Variants in LRP1 observed in about 807,000 individuals in gnomAD.
LRP1 encodes the protein LDL receptor related protein 1.
In LRP1, 51 loss-of-function variants were observed where a neutral mutation model predicts 541.5. The observed-to-expected ratio is 0.09, with a 90% confidence interval of 0.08 to 0.12. LRP1 has a LOEUF of 0.12. LRP1 is among the 10% of genes least tolerant of loss of function. The pLI, the probability that LRP1 is intolerant of heterozygous loss-of-function variation, is 1.00. For synonymous variants in LRP1, 2,219 were observed against 2,470.8 expected, an observed-to-expected ratio of 0.90 and a Z score of 3.02; for missense variants, 3,878 against 6,376.2, an observed-to-expected ratio of 0.61 and a Z score of 13.34.
rs146710883 is a variant in LRP1 at position 57,194,420 on chromosome 12, G to A, written c.7985G>A (p.Arg2662Gln). Residue 2662 changes from arginine (R) to glutamine (Q), a missense_variant, in exon 49 of 89, where the codon CGG (arginine) becomes CAG (glutamine). By Grantham distance (43) the Arg-to-Gln change is conservative (BLOSUM62 1). Coordinates refer to ENST00000243077, the MANE Select transcript of LRP1 (RefSeq NM_002332.3). ...GGCGTGCTCTTCCAGCCCTGCGAGC[G>A]GACCTCACTCTGCTACGCACCCAGC... ...VKGVLFQPCE[R>Q]TSLCYAPSWV... is the part of the protein sequence containing the mutation. 6.1e-5 allele frequency: 93 copies of A among 1,529,142 alleles called. No homozygotes were observed. Among genetic ancestry groups the A allele is most frequent in the Non-Finnish European group, 7.5e-5 (85 of 1,138,860 alleles). The allele number at this position is 1,529,142 out of a possible 1,614,324, so 94.7% of individuals were successfully genotyped here. A position where few individuals can be genotyped will look rare whatever the true frequency, so the allele number is the denominator to read the frequency against.
intron 6 of LRP1, among the ~76,000 whole-genome samples, chr12:57,152,334 A>G (rs2035542185): frequency 6.6e-6 from 1 of 151,932 alleles, no homozygotes; most frequent in African/African-American, 2.4e-5. Flanking sequence ...TGCTGGGAAA[A>G]CAGCTTTCAC....
chr12:57,128,809 A>T lies in LRP1; in HGVS notation c.-156A>T, dbSNP rs113779647. 277 of 612,072 alleles carry T rather than the reference A, an allele frequency of 4.5e-4. 2 individuals are homozygous for T. The African/African-American group carries it at 4.7e-3, about 10-fold the overall frequency. 37.9% of individuals were successfully genotyped at this position (612,072 alleles called of 1,614,324 possible). ...AAGGGGCTCGGAACTCTACCTCTTC[A>T]CCCACGCCCCTGGTGCGCTTTGCCG... is the stretch of plus-strand genomic sequence containing the variant. On this transcript the variant is annotated 5_prime_UTR_variant, in exon 1 of 89. Transcript: ENST00000243077.
chr12:57,212,004 C>A lies in LRP1; in HGVS notation c.13336C>A (p.Arg4446=). 1 of 1,614,080 alleles carries A rather than the reference C, an allele frequency of 6.2e-7. No homozygotes were observed. The highest frequency in any genetic ancestry group is 8.5e-7 in the Non-Finnish European group (1 of 1,180,014). ...GGCCGGAGTGGTATTCTGGTATAAGCGGCGAGTCCAAGGGTGAGTCACAGG... is the reference window on the plus strand; with the variant it reads ...GGCCGGAGTGGTATTCTGGTATAAGAGGCGAGTCCAAGGGTGAGTCACAGG... ...LVAGVVFWYK[R]RVQGAKGFQH... Residue 4446 remains arginine (R), a synonymous_variant, in exon 87 of 89, where the codon CGG becomes AGG. Coordinates refer to ENST00000243077, the MANE Select transcript of LRP1 (RefSeq NM_002332.3). The surrounding 1 kb of genome is among the most constrained non-coding windows in gnomAD (Gnocchi z 5.0).
At chr12:57,132,140 T>C (rs2035050480) in intron 1 of LRP1, 11 of 152,364 alleles carry the variant, frequency 7.2e-5, no homozygotes, top group Admixed American at 6.5e-4. Flanking sequence ...ATAGAGAACC[T>C]GCCTCCCTCT....
Position 57,152,132 on chromosome 12 carries a change from G to C in LRP1, c.842-2076G>C, listed in dbSNP as rs371218538. ...GAATCCAGGCCACATCCTGAGGCTG[G>C]GGGGGCTGATTGTGGAGCTGCACCT... On this transcript the variant is annotated intron_variant, in intron 6 of 88. Coordinates refer to ENST00000243077, the MANE Select transcript of LRP1 (RefSeq NM_002332.3). 3.9e-5 allele frequency among the ~76,000 whole-genome samples: 6 copies of C among 152,212 alleles called. 1 individual carries two copies. In the South Asian group the frequency reaches 6.2e-4, roughly 16 times the overall value.
intron 1 of LRP1, among the ~76,000 whole-genome samples, chr12:57,137,756 A>C (rs2035202855): frequency 6.6e-6 from 1 of 151,614 alleles, no homozygotes; most frequent in African/African-American, 2.4e-5. Context: ...AGATTGTGCC[A>C]CTGCACTCCA....
Position 57,177,486 on chromosome 12 carries a change from G to A in LRP1, c.4256G>A (p.Ser1419Asn), listed in dbSNP as rs2036070525. 6.2e-7 allele frequency: 1 copy of A among 1,612,590 alleles called. No individual in the cohort carries two copies. Among genetic ancestry groups the A allele is most frequent in the African/African-American group, 1.3e-5 (1 of 74,930 alleles). ...SLPRIEAASMSGAGRRTVHRE... is the reference protein window; with the variant it reads ...SLPRIEAASMNGAGRRTVHRE... ...CCCCGCATTGAGGCAGCCTCCATGA[G>A]TGGGGCTGGGCGCCGCACCGTGCAC... Residue 1419 changes from serine to asparagine, a missense_variant, in exon 26 of 89, where the codon AGT becomes AAT. Physicochemically the swap from Ser to Asn is conservative, Grantham distance 46. This residue lies in a region of LRP1 where 24 missense variants were observed against 109.1 expected (regional missense o/e 0.22). Transcript: ENST00000243077. The surrounding 1 kb of genome is among the most constrained non-coding windows in gnomAD (Gnocchi z 6.8).
rs1417865114 is a variant in LRP1, at chr12:57,177,451, T to C, written c.4221T>C (p.Asp1407=). Residue 1407 remains aspartate (D), a synonymous_variant, in exon 26 of 89, where the codon GAT becomes GAC. Transcript: ENST00000243077. This position sits in a 1 kb window ranked among gnomAD's most constrained non-coding sequence, Gnocchi z 6.8. ...GGATCCTGTTTTGGACAGACTGGGA[T>C]GCCAGCCTGCCCCGCATTGAGGCAG... ...RDGILFWTDW[D]ASLPRIEAAS... The C allele has an allele frequency of 6.2e-7, 1 of 1,604,314 alleles. No individual in the cohort carries two copies. The highest frequency in any genetic ancestry group is 2.2e-5 in the East Asian group (1 of 44,838).
rs375774028 is a variant in LRP1 at position 57,210,706 on chromosome 12, C to T, written c.12755-12C>T. 6.2e-7 allele frequency: 1 copy of T among 1,602,636 alleles called. No homozygotes were observed. Among genetic ancestry groups the T allele is most frequent in the African/African-American group, 1.3e-5 (1 of 74,762 alleles). On this transcript the variant is annotated splice_polypyrimidine_tract_variant and intron_variant, in intron 82 of 88. Coordinates refer to ENST00000243077, the MANE Select transcript of LRP1 (RefSeq NM_002332.3). ...AGGGCCACAGTCGCGCTCACACATC[C>T]TCTCCCACCAGGCATGCCCACGTGC... is the stretch of plus-strand genomic sequence containing the variant.
At position 57,205,493 on chromosome 12, in the gene LRP1, A is replaced by G. The variant is rs530703274; in HGVS notation, c.11470+8A>G. 2 of 1,610,812 alleles carry G rather than the reference A, an allele frequency of 1.2e-6. No individual in the cohort carries two copies. Among genetic ancestry groups the G allele is most frequent in the African/African-American group, 1.3e-5 (1 of 74,962 alleles). ...GCCAGCCCGGATGCCAAGGTAGGAA[A>G]GCGGGGCAGAGCAGGGGTGGACACC... is the stretch of plus-strand genomic sequence containing the variant. On this transcript the variant is annotated splice_region_variant and intron_variant, in intron 74 of 88. Transcript: ENST00000243077. This position sits in a 1 kb window ranked among gnomAD's most constrained non-coding sequence, Gnocchi z 4.6.
Position 57,205,749 on chromosome 12 carries a change from G to A in LRP1, c.11590+72G>A, listed in dbSNP as rs2036764267. On this transcript the variant is annotated intron_variant, in intron 75 of 88. Transcript: ENST00000243077. The surrounding 1 kb of genome is among the most constrained non-coding windows in gnomAD (Gnocchi z 4.6). ...CCAGGATATCAAACGGGGCCGACTT[G>A]GAATGGAATGTCTTCCTGCGGACAT... The A allele has an allele frequency of 1.3e-6, 2 of 1,578,368 alleles. No homozygotes were observed. Among genetic ancestry groups the A allele is most frequent in the East Asian group, 4.5e-5 (2 of 44,576 alleles).
intron 51 of LRP1, 80 bp downstream of exon 51, chr12:57,195,181 C>G: frequency 1.9e-6 from 3 of 1,577,300 alleles, no homozygotes; most frequent in Non-Finnish European, 2.6e-6. Flanking sequence ...CACACAGACA[C>G]CCCTGCAGAC....
rs1186000314 is a variant in LRP1 at position 57,128,621 on chromosome 12, C to T, written c.-344C>T. 1 of 411,238 alleles carries T rather than the reference C, an allele frequency of 2.4e-6. No individual in the cohort carries two copies. The highest frequency in any genetic ancestry group is 4.3e-6 in the Non-Finnish European group (1 of 232,294). The allele number at this position is 411,238 out of a possible 1,614,324, so 25.5% of individuals were successfully genotyped here. On this transcript the variant is annotated 5_prime_UTR_variant, in exon 1 of 89. Transcript: ENST00000243077. The stretch of plus-strand genomic sequence containing the variant: ...CCACGCCCCCCACCCCCCCTCCCCG[C>T]CTCCTCCCAATTGTGCATTTTTGCA...
At chr12:57,136,098 G>T (rs1196563815) in intron 1 of LRP1, among the ~76,000 whole-genome samples, 2 of 152,248 alleles carry the variant, frequency 1.3e-5, no homozygotes, top group Non-Finnish European at 2.9e-5. Flanking sequence ...GAAGCGGACG[G>T]TTCTCCGGCA....
At position 57,173,099 on chromosome 12, in the gene LRP1, G is replaced by A; in HGVS notation, c.3164-69G>A. On this transcript the variant is annotated intron_variant, in intron 20 of 88. Transcript: ENST00000243077. The surrounding 1 kb of genome is among the most constrained non-coding windows in gnomAD (Gnocchi z 4.7). Reference sequence around the variant, plus strand: ...CAGGCTGGGCTTACCGGGGTGGCAGGGCACAGGGATGAGGAGGGCTGACCT... The same window carrying A: ...CAGGCTGGGCTTACCGGGGTGGCAGAGCACAGGGATGAGGAGGGCTGACCT... 1 of 1,353,980 alleles carries A rather than the reference G, an allele frequency of 7.4e-7. No homozygotes were observed. The highest frequency in any genetic ancestry group is 1.0e-6 in the Non-Finnish European group (1 of 991,034). The allele number at this position is 1,353,980 out of a possible 1,614,324, so 83.9% of individuals were successfully genotyped here. A position where few individuals can be genotyped will look rare whatever the true frequency, so the allele number is the denominator to read the frequency against.
Position 57,189,543 on chromosome 12 carries a change from A to G in LRP1, c.7032-1262A>G, listed in dbSNP as rs891305065. The stretch of plus-strand genomic sequence containing the variant: ...GTCTCCAGAGGGGCAGAGCAGCACC[A>G]TTTTCCTACGTGAGCCCAGCAGAAG... On this transcript the variant is annotated intron_variant, in intron 42 of 88. Transcript: ENST00000243077. This position sits in a 1 kb window ranked among gnomAD's most constrained non-coding sequence, Gnocchi z 4.4. Among the ~76,000 whole-genome samples, 2 of 151,884 alleles carry G rather than the reference A, an allele frequency of 1.3e-5. No individual in the cohort carries two copies. The highest frequency in any genetic ancestry group is 4.8e-5 in the African/African-American group (2 of 41,310).
Position 57,197,747 on chromosome 12 carries a change from A to C in LRP1, c.9282+83A>C, listed in dbSNP as rs1592654056. 6 of 1,532,826 alleles carry C rather than the reference A, an allele frequency of 3.9e-6. No individual in the cohort carries two copies. The East Asian group carries it at 1.1e-4, about 29-fold the overall frequency. The allele number at this position is 1,532,826 out of a possible 1,614,324, so 95.0% of individuals were successfully genotyped here. On this transcript the variant is annotated intron_variant, in intron 58 of 88. Coordinates refer to ENST00000243077, the MANE Select transcript of LRP1 (RefSeq NM_002332.3). This position sits in a 1 kb window ranked among gnomAD's most constrained non-coding sequence, Gnocchi z 4.5. ...ATCGTCTCTCCTTCCCGCCCCACCA[A>C]CCCAAATTGCTTCCTTCTCACTCCA...
chr12:57,147,275 A>G (rs1354103465), intron 6 of LRP1, among the ~76,000 whole-genome samples: 4 of 151,690 alleles, frequency 2.6e-5, no homozygotes, highest in Admixed American at 1.3e-4. Context: ...TGTCACCCTG[A>G]GGATGGTTGT....
chr12:57,178,552 A>G lies in LRP1; in HGVS notation c.4555A>G (p.Asn1519Asp), dbSNP rs1426205251. The change falls in exon 27 of 89, where the codon AAC becomes GAC. Residue 1519 changes from asparagine to aspartate, a missense_variant. Asn to Asp is a conservative substitution (Grantham distance 23, BLOSUM62 1). This residue lies in a region of LRP1 where 54 missense variants were observed against 167.7 expected (regional missense o/e 0.32). Transcript: ENST00000243077. This position sits in a 1 kb window ranked among gnomAD's most constrained non-coding sequence, Gnocchi z 5.8. ...CAATGTCACCGTGGTACAGAGGACCAACACCCAGCCCTTTGACCTGCAGGT... is the reference window on the plus strand; with the variant it reads ...CAATGTCACCGTGGTACAGAGGACCGACACCCAGCCCTTTGACCTGCAGGT... ...GHNVTVVQRT[N>D]TQPFDLQVYH... 6.2e-7 allele frequency: 1 copy of G among 1,614,112 alleles called. No homozygotes were observed. Among genetic ancestry groups the G allele is most frequent in the African/African-American group, 1.3e-5 (1 of 74,942 alleles).
Sources: gnomAD v4.1 joint callset for allele counts (sites outside exome capture counted in the v4.1 genomes callset) on GRCh38, gnomAD v4.1.1 for gene constraint, gnomAD v4.1.1 regional missense constraint, Gnocchi (gnomAD v3.1) non-coding constraint, MANE v1.5 for transcripts, NCBI Gene and HGNC (gene_info 2026-07-23, HGNC 2026-07-21) for gene names.